The following GATM variants were observed in gnomAD, a reference collection of about 807,000 sequenced individuals.
GATM encodes glycine amidinotransferase, mitochondrial.
In GATM, 23 loss-of-function variants were observed where a neutral mutation model predicts 54.2. That is an observed-to-expected ratio of 0.42 (90% CI 0.31 to 0.60). The LOEUF is 0.60. Among genes scored for constraint, GATM ranks in the 20% least tolerant of loss-of-function variants. The pLI, the probability that GATM is intolerant of heterozygous loss-of-function variation, is 0.14. For missense variants in GATM, 401 were observed against 544.9 expected (o/e 0.74, Z 2.63); for synonymous variants, 168 against 183.1 (o/e 0.92, Z 0.67).
At position 45,402,010 on chromosome 15, in the gene GATM, CAA is replaced by C. The variant is rs1290313943; in HGVS notation, c.-603_-602del. The C allele has an allele frequency of 3.5e-5, 6 of 169,112 alleles. No homozygotes were observed. The South Asian group carries it at 4.3e-4, about 12-fold the overall frequency. The allele number at this position is 169,112 out of a possible 1,614,324, so 10.5% of individuals were successfully genotyped here. A position where few individuals can be genotyped will look rare whatever the true frequency, so the allele number is the denominator to read the frequency against. ...TAGTTAGAGTTTCTTCACAAAATAG[CAA>C]AGTCTCTAGGTTGCTATTCCAACGG... On this transcript the variant is annotated 5_prime_UTR_variant, in exon 1 of 5. Transcript: ENST00000561148.
chr15:45,378,285 G>T, intron 1 of GATM, 100 bp downstream of exon 1: 1 of 878,946 alleles, frequency 1.1e-6, no homozygotes, highest in Non-Finnish European at 1.7e-6. Flanking sequence ...GAAAGCGAGG[G>T]AAGGTGGCGG....
chr15:45,373,282 G>A (rs1404359777), intron 2 of GATM: 2 of 151,860 alleles, frequency 1.3e-5, no homozygotes, highest in East Asian at 1.9e-4. Flanking sequence ...TGGATCACGA[G>A]GTCAGGAGAT....
At chr15:45,399,871 T>A (rs558559638) in intron 1 of GATM, among the ~76,000 whole-genome samples, 3,457 of 152,292 alleles carry the variant, frequency 0.023, 146 homozygotes, top group African/African-American at 0.079. Context: ...TTAACAAATT[T>A]CTGGTCAGAT....
At chr15:45,398,494 A>C (rs1889959710) in intron 2 of GATM, among the ~76,000 whole-genome samples, 1 of 152,310 alleles carries the variant, frequency 6.6e-6, no homozygotes, top group African/African-American at 2.4e-5. Context: ...TCTAAAGACT[A>C]ATTCTAACCT....
rs2486275 is a variant in GATM at position 45,364,548 on chromosome 15, A to C, written c.1042+249T>G. The C allele has an allele frequency of 6.0e-3, 2,673 of 446,588 alleles. 50 individuals are homozygous for C. Among genetic ancestry groups the C allele is most frequent in the African/African-American group, 0.05 (2,493 of 50,188 alleles). The allele number at this position is 446,588 out of a possible 1,614,324, so 27.7% of individuals were successfully genotyped here. A position where few individuals can be genotyped will look rare whatever the true frequency, so the allele number is the denominator to read the frequency against. On this transcript the variant is annotated intron_variant, in intron 7 of 8. Coordinates refer to ENST00000396659, the MANE Select transcript of GATM (RefSeq NM_001482.3). ...AGACACTGTCTCAAAAAAAAAAAAA[A>C]AGTCATATCTTGCTTTACGTGATGT...
Position 45,364,014 on chromosome 15 carries a change from G to C in GATM, c.1045C>G (p.His349Asp). ...CATTTGGATGACATCCAGAGTGGAT[G>C]ATCTAAAAACAGCAACAACTGTTAA... is the stretch of plus-strand genomic sequence containing the variant. ...TPPTPIIPDD[H>D]PLWMSSKWLS... The change falls in exon 8 of 9, where the codon CAT (histidine) becomes GAT (aspartate). Residue 349 changes from histidine (H) to aspartate (D), a missense_variant and splice_region_variant. Around this residue, in one of 3 missense-constraint regions of GATM, gnomAD observed 321 missense variants for 457.5 expected, o/e 0.70. Coordinates refer to ENST00000396659, the MANE Select transcript of GATM (RefSeq NM_001482.3). 1 of 1,578,106 alleles carries C rather than the reference G, an allele frequency of 6.3e-7. No homozygotes were observed. Among genetic ancestry groups the C allele is most frequent in the Non-Finnish European group, 8.7e-7 (1 of 1,148,162 alleles).
chr15:45,369,281 T>C (rs760436964), intron 3 of GATM, 45 bp downstream of exon 3: 17 of 1,557,122 alleles, frequency 1.1e-5, no homozygotes, highest in East Asian at 2.2e-5. Context: ...AAGAAAGAAA[T>C]TGAAAATTCA....
chr15:45,389,165 T>G, intron 3 of GATM, among the ~76,000 whole-genome samples: 1 of 152,256 alleles, frequency 6.6e-6, no homozygotes, highest in East Asian at 1.9e-4. Flanking sequence ...CCTTTAACAC[T>G]AAAAGTTTTT....
rs1889681666 is a variant in GATM at position 45,378,426 on chromosome 15, C to T, written c.28G>A (p.Gly10Arg). Residue 10 changes from glycine (G) to arginine (R), a missense_variant, in exon 1 of 9, where the codon GGG becomes AGG. Physicochemically the swap from Gly to Arg is moderately radical, Grantham distance 125. This residue lies in a region of GATM where 10 missense variants were observed against 26.0 expected (regional missense o/e 0.38). Transcript: ENST00000396659. ...TGCACCGCCTCGGCGCCGCGGCTCC[C>T]GCCGCGCAGACACCGCACCCGCAGC... is the stretch of plus-strand genomic sequence containing the variant. The part of the protein sequence containing the change: MLRVRCLRG[G>R]SRGAEAVHYI... 1.3e-6 allele frequency: 2 copies of T among 1,503,572 alleles called. No individual in the cohort carries two copies. The highest frequency in any genetic ancestry group is 2.1e-5 in the Admixed American group (1 of 46,800). The allele number at this position is 1,503,572 out of a possible 1,614,324, so 93.1% of individuals were successfully genotyped here. A position where few individuals can be genotyped will look rare whatever the true frequency, so the allele number is the denominator to read the frequency against.
At position 45,361,568 on chromosome 15, in the gene GATM, AT is replaced by A. The variant is rs1889364522; in HGVS notation, c.*540del. 5.6e-6 allele frequency: 1 copy of A among 179,894 alleles called. No individual in the cohort carries two copies. The highest frequency in any genetic ancestry group is 1.9e-4 in the South Asian group (1 of 5,134). The allele number at this position is 179,894 out of a possible 1,614,324, so 11.1% of individuals were successfully genotyped here. A position where few individuals can be genotyped will look rare whatever the true frequency, so the allele number is the denominator to read the frequency against. ...AAACAAAAAATTAAAAATTACCCAA[AT>A]TCCTTATTAGAAAAAGAGACAATTA... is the stretch of plus-strand genomic sequence containing the variant. On this transcript the variant is annotated 3_prime_UTR_variant, in exon 9 of 9. Transcript: ENST00000396659.
intron 2 of GATM, among the ~76,000 whole-genome samples, chr15:45,372,100 G>T (rs1360299329): frequency 1.3e-5 from 2 of 152,300 alleles, no homozygotes; most frequent in African/African-American, 4.8e-5. Flanking sequence ...GGTAAAAAAA[G>T]GTCCATAGGC....
intron 3 of GATM, chr15:45,396,352 T>C (rs1385661984): frequency 2.6e-5 from 4 of 152,208 alleles, no homozygotes; most frequent in African/African-American, 7.2e-5. Flanking sequence ...AACTCAGATA[T>C]AGTCCTCAAA....
intron 6 of GATM, among the ~76,000 whole-genome samples, chr15:45,365,648 C>T (rs1402187558): frequency 6.6e-6 from 1 of 152,194 alleles, no homozygotes; most frequent in African/African-American, 2.4e-5. Context: ...GAGGCTACCC[C>T]ACTGTAGAGG....
chr15:45,367,949 AGAT>A (rs1294460103), intron 4 of GATM, 118 bp downstream of exon 4: 23 of 750,446 alleles, frequency 3.1e-5, no homozygotes, highest in Non-Finnish European at 4.5e-5. Flanking sequence ...TTTAAAAATA[AGAT>A]GATGTTTTCG....
At chr15:45,395,119 G>A (rs889719608) in intron 3 of GATM, among the ~76,000 whole-genome samples, 5 of 152,214 alleles carry the variant, frequency 3.3e-5, no homozygotes, top group Non-Finnish European at 7.3e-5. Context: ...CAAAGCACTA[G>A]AGGAAACTTT....
At chr15:45,376,566 G>A (rs1412309995) in intron 2 of GATM, 35 bp downstream of exon 2, 16 of 1,567,772 alleles carry the variant, frequency 1.0e-5, no homozygotes, top group Non-Finnish European at 1.4e-5. Context: ...TGAGGAGGGA[G>A]CGCACTTTCA....
intron 2 of GATM, among the ~76,000 whole-genome samples, chr15:45,399,191 T>C (rs1034272814): frequency 6.6e-6 from 1 of 152,234 alleles, no homozygotes; most frequent in African/African-American, 2.4e-5. Flanking sequence ...GATTTTGACC[T>C]ACCACTAAAT....
intron 3 of GATM, among the ~76,000 whole-genome samples, chr15:45,384,558 G>T (rs1889784444): frequency 6.6e-6 from 1 of 152,162 alleles, no homozygotes; most frequent in Non-Finnish European, 1.5e-5. Flanking sequence ...TGCCTTAGAA[G>T]GGTCTGTCCC....
At chr15:45,380,107 G>T (rs1222403960), upstream of GATM, 1 of 110,476 alleles carries the variant, frequency 9.1e-6, no homozygotes, top group East Asian at 3.2e-4. Flanking sequence ...CTGGGCGACA[G>T]AGCTAGACTC....
Sources: allele counts gnomAD v4.1 joint callset (sites outside exome capture counted in the v4.1 genomes callset), GRCh38; gene constraint gnomAD v4.1.1; regional missense constraint gnomAD v4.1.1; transcripts MANE v1.5; gene names NCBI Gene and HGNC (gene_info 2026-07-23, HGNC 2026-07-21).